MRPS31: variants seen among roughly 807,000 people sequenced by gnomAD.
The protein encoded by MRPS31 is mitochondrial ribosomal protein S31, also known as small ribosomal subunit protein mS31.
In MRPS31, 32 loss-of-function variants were observed where a neutral mutation model predicts 43.1. The observed-to-expected ratio is 0.74, with a 90% CI of 0.56 to 1.00. The LOEUF is 1.00. Among genes scored for constraint, MRPS31 ranks in the 50% least tolerant of loss-of-function variants. MRPS31 has a pLI of 0.00. For missense variants in MRPS31, 437 were observed against 466.7 expected (o/e 0.94, Z 0.59); for synonymous variants, 165 against 161.6 (o/e 1.02, Z -0.16).
In MRPS31 at chr13:40,729,467, T is replaced by C. The variant is rs920342140; in HGVS notation, c.1093A>G (p.Ser365Gly). The C allele has an allele frequency of 6.2e-7, 1 of 1,611,648 alleles. No individual in the cohort carries two copies. Among genetic ancestry groups the C allele is most frequent in the African/African-American group, 1.3e-5 (1 of 74,990 alleles). Reference protein sequence around the residue: ...TCGLSKNPYLSVKQKVEHIEW... With the variant: ...TCGLSKNPYLGVKQKVEHIEW... ...ATGTGTTCAACCTTCTGTTTAACAC[T>C]AAGATATGGGTTTTTGGAAAGGCCA... The change falls in exon 7 of 7, where the codon AGT (serine) becomes GGT (glycine). Residue 365 changes from serine to glycine, a missense_variant. Coordinates refer to ENST00000323563, the MANE Select transcript of MRPS31 (RefSeq NM_005830.4).
At chr13:40,734,913 G>A (rs1879833114) in intron 6 of MRPS31, among the ~76,000 whole-genome samples, 1 of 152,026 alleles carries the variant, frequency 6.6e-6, no homozygotes, top group Non-Finnish European at 1.5e-5. Flanking sequence ...CCCAAATAAC[G>A]CTAGGCGGGG....
chr13:40,765,323 T>C (rs1880814530), intron 2 of MRPS31, among the ~76,000 whole-genome samples: 1 of 152,212 alleles, frequency 6.6e-6, no homozygotes, highest in Non-Finnish European at 1.5e-5. Context: ...TTCCCACACA[T>C]GTATGTTTGC....
rs1487763948 is a variant in MRPS31, at chr13:40,766,865, T to A, written c.321A>T (p.Lys107Asn). The change falls in exon 2 of 7, where the codon AAA becomes AAT. Residue 107 changes from lysine (K) to asparagine (N), a missense_variant. Lys to Asn is a moderately conservative substitution (Grantham distance 94). Transcript: ENST00000323563. ...KDLLGIIKGM[K>N]VELSTVNVRT... ...GTACATTTACTGTGCTTAATTCAAC[T>A]TTCATGCCCTTAATAATGCCTAACA... The A allele has an allele frequency of 3.7e-6, 6 of 1,614,052 alleles. No homozygotes were observed. Among genetic ancestry groups the A allele is most frequent in the Admixed American group, 3.3e-5 (2 of 60,006 alleles).
intron 2 of MRPS31, among the ~76,000 whole-genome samples, chr13:40,761,036 G>A (rs1451685008): frequency 6.6e-6 from 1 of 151,986 alleles, no homozygotes; most frequent in African/African-American, 2.4e-5. Flanking sequence ...CAGCACTTTG[G>A]GAGGCTGAGG....
chr13:40,767,036 G>A lies in MRPS31; in HGVS notation c.153-3C>T. The A allele has an allele frequency of 6.3e-7, 1 of 1,588,594 alleles. No homozygotes were observed. The highest frequency in any genetic ancestry group is 2.2e-5 in the East Asian group (1 of 44,584). ...ATCTTTGGATGTTATTTTTTGTCCT[G>A]GAAAGATGCATTAAAGAAAAAAATG... On this transcript the variant is annotated splice_region_variant and splice_polypyrimidine_tract_variant and intron_variant, in intron 1 of 6. Transcript: ENST00000323563.
intron 2 of MRPS31, among the ~76,000 whole-genome samples, chr13:40,765,695 T>C (rs544326872): frequency 3.9e-5 from 6 of 152,296 alleles, no homozygotes; most frequent in African/African-American, 1.4e-4. Context: ...TCCATTAAAA[T>C]GTTAAATCAG....
intron 6 of MRPS31, 140 bp downstream of exon 6, chr13:40,748,998 G>T: frequency 1.3e-6 from 1 of 751,538 alleles, no homozygotes; most frequent in African/African-American, 1.8e-5. Flanking sequence ...AAAAAACCTT[G>T]TCAGATTTAT....
intron 6 of MRPS31, among the ~76,000 whole-genome samples, chr13:40,735,225 C>T (rs1048774338): frequency 2.0e-5 from 3 of 152,208 alleles, no homozygotes; most frequent in African/African-American, 7.2e-5. Flanking sequence ...GCTTTTCCAA[C>T]GGGCTTAAAA....
At chr13:40,765,134 C>T (rs1174115187) in intron 2 of MRPS31, among the ~76,000 whole-genome samples, 1 of 152,216 alleles carries the variant, frequency 6.6e-6, no homozygotes, top group African/African-American at 2.4e-5. Context: ...GTACCTCATT[C>T]ACCAGTCTTT....
intron 6 of MRPS31, among the ~76,000 whole-genome samples, chr13:40,748,001 T>C (rs1484035692): frequency 6.6e-6 from 1 of 152,182 alleles, no homozygotes; most frequent in East Asian, 1.9e-4. Flanking sequence ...ATTCCAACTA[T>C]TAATCCAACA....
At chr13:40,761,537 T>C (rs1208391093) in intron 2 of MRPS31, among the ~76,000 whole-genome samples, 1 of 152,216 alleles carries the variant, frequency 6.6e-6, no homozygotes, top group Non-Finnish European at 1.5e-5. Flanking sequence ...ATGTTCTAAT[T>C]AATAAAAAAT....
chr13:40,758,826 G>T (rs1880609470), intron 3 of MRPS31, 122 bp downstream of exon 3: 2 of 900,816 alleles, frequency 2.2e-6, no homozygotes, highest in Non-Finnish European at 3.0e-6. Flanking sequence ...AAAATTATGT[G>T]GTATATTTTA....
At chr13:40,736,758 C>A (rs545075791) in intron 6 of MRPS31, among the ~76,000 whole-genome samples, 1 of 147,398 alleles carries the variant, frequency 6.8e-6, no homozygotes, top group Non-Finnish European at 1.5e-5. Context: ...ACCAGGCCTG[C>A]CCTAAAAGAG....
At chr13:40,768,177 ATG>A (rs537506786) in intron 1 of MRPS31, among the ~76,000 whole-genome samples, 3 of 152,320 alleles carry the variant, frequency 2.0e-5, no homozygotes, top group South Asian at 4.1e-4. Context: ...AAAACTCTGA[ATG>A]TGTTAGTTTC....
In MRPS31 at chr13:40,756,909, T is replaced by G; in HGVS notation, c.704A>C (p.Tyr235Ser). ...RIQFDEGYDNYPGQEKTDDLK... is the reference protein window; with the variant it reads ...RIQFDEGYDNSPGQEKTDDLK... Reference sequence around the variant, plus strand: ...ATCATCCGTCTTCTCCTGGCCAGGATAATTGTCATAGCCTTCATCAAACTG... The same window carrying G: ...ATCATCCGTCTTCTCCTGGCCAGGAGAATTGTCATAGCCTTCATCAAACTG... The change falls in exon 4 of 7, where the codon TAT becomes TCT. Residue 235 changes from tyrosine to serine, a missense_variant. Coordinates refer to ENST00000323563, the MANE Select transcript of MRPS31 (RefSeq NM_005830.4). 6 of 1,613,998 alleles carry G rather than the reference T, an allele frequency of 3.7e-6. No individual in the cohort carries two copies. Among genetic ancestry groups the G allele is most frequent in the Non-Finnish European group, 5.1e-6 (6 of 1,179,972 alleles).
At chr13:40,755,359 T>C (rs530477711) in intron 4 of MRPS31, among the ~76,000 whole-genome samples, 51 of 152,336 alleles carry the variant, frequency 3.3e-4, no homozygotes, top group African/African-American at 1.2e-3. Flanking sequence ...AAGTATTGAA[T>C]TTCAAAAGAG....
At chr13:40,765,420 A>G (rs1316475577) in intron 2 of MRPS31, among the ~76,000 whole-genome samples, 1 of 152,230 alleles carries the variant, frequency 6.6e-6, no homozygotes. Flanking sequence ...CCATTTCTGT[A>G]ATCGTTAATT....
intron 2 of MRPS31, among the ~76,000 whole-genome samples, chr13:40,766,223 G>A (rs979423612): frequency 1.3e-5 from 2 of 152,116 alleles, no homozygotes; most frequent in East Asian, 3.8e-4. Flanking sequence ...CCTTTCTCTG[G>A]ATTGTGTACA....
At chr13:40,756,793 C>T in intron 4 of MRPS31, 80 bp downstream of exon 4, 1 of 1,472,710 alleles carries the variant, frequency 6.8e-7, no homozygotes, top group East Asian at 2.3e-5. Context: ...ATAATACACA[C>T]ACACACAATA....
Sources: gnomAD v4.1 joint callset for allele counts (sites outside exome capture counted in the v4.1 genomes callset) on GRCh38, gnomAD v4.1.1 for gene constraint, MANE v1.5 for transcripts, NCBI Gene and HGNC (gene_info 2026-07-23, HGNC 2026-07-21) for gene names.